SLC25A36: variants seen among roughly 807,000 people sequenced by gnomAD.
SLC25A36 encodes solute carrier family 25 member 36.
Under a neutral mutation model 35.3 loss-of-function variants are expected in SLC25A36, and 24 were observed. The observed-to-expected ratio is 0.68, with a 90% CI of 0.49 to 0.96. SLC25A36 has a LOEUF of 0.96. Among genes scored for constraint, SLC25A36 ranks in the 40% least tolerant of loss-of-function variants. The pLI is 0.00. For missense variants in SLC25A36, 294 were observed against 381.1 expected (o/e 0.77, Z 1.90); for synonymous variants, 141 against 132.2 (o/e 1.07, Z -0.46).
chr3:140,942,194 G>C (rs1485715576), intron 1 of SLC25A36, 99 bp downstream of exon 1: 3 of 137,264 alleles, frequency 2.2e-5, no homozygotes, highest in Non-Finnish European at 4.8e-5. Flanking sequence ...GGGGGGGTGG[G>C]GGGGCGGGAG....
At chr3:140,974,119 G>A (rs1934976846) in intron 6 of SLC25A36, 114 bp downstream of exon 6, 2 of 707,054 alleles carry the variant, frequency 2.8e-6, no homozygotes, top group Non-Finnish European at 4.6e-6. Flanking sequence ...CAATTATTGG[G>A]AGTTCATAAT....
chr3:140,948,246 C>T (rs1248916813), intron 1 of SLC25A36, among the ~76,000 whole-genome samples: 3 of 152,098 alleles, frequency 2.0e-5, no homozygotes, highest in African/African-American at 4.8e-5. Flanking sequence ...TGAGCTACCA[C>T]GCCCAGCCCA....
chr3:140,954,030 C>T (rs1159613034), intron 1 of SLC25A36, among the ~76,000 whole-genome samples: 1 of 152,112 alleles, frequency 6.6e-6, no homozygotes, highest in East Asian at 1.9e-4. Context: ...TCCCCCACAC[C>T]CCTTGAAGTC....
rs563069839 is a variant in SLC25A36, at chr3:140,960,101, A to G, written c.284+561A>G. ...AAAATTACTAATATTTGCAGGATAA[A>G]TGGAAATACTCTCGTAGCTAGTGGC... On this transcript the variant is annotated intron_variant, in intron 3 of 6. Transcript: ENST00000324194. Among the ~76,000 whole-genome samples the G allele has an allele frequency of 1.3e-3, 205 of 152,274 alleles. 1 individual carries two copies. The highest frequency in any genetic ancestry group is 2.4e-3 in the Non-Finnish European group (162 of 68,002).
In SLC25A36 at chr3:140,945,845, G is replaced by A. The variant is rs9289616; in HGVS notation, c.41+3750G>A. ...TGAATACCTCTATATTTAATATTTT[G>A]TGTGACAAAATGGGAAATAGACATG... On this transcript the variant is annotated intron_variant, in intron 1 of 6. Coordinates refer to ENST00000324194, the MANE Select transcript of SLC25A36 (RefSeq NM_001104647.3). 4.7e-3 allele frequency among the ~76,000 whole-genome samples: 714 copies of A among 151,578 alleles called. 5 individuals carry two copies. The highest frequency in any genetic ancestry group is 0.016 in the African/African-American group (680 of 41,298).
intron 5 of SLC25A36, 47 bp from the exon 6 acceptor site, chr3:140,973,665 TTTAC>T (rs779748101): frequency 1.8e-5 from 23 of 1,303,310 alleles, no homozygotes; most frequent in East Asian, 1.5e-4. Flanking sequence ...TTTATTATAT[TTTAC>T]TTACTTTAAA....
intron 1 of SLC25A36, among the ~76,000 whole-genome samples, chr3:140,955,659 G>A (rs1230594980): frequency 6.6e-6 from 1 of 152,008 alleles, no homozygotes; most frequent in Admixed American, 6.6e-5. Flanking sequence ...TCCACGTGTA[G>A]GCCTGACAGG....
chr3:140,956,722 A>G, intron 2 of SLC25A36, 31 bp downstream of exon 2: 2 of 1,549,854 alleles, frequency 1.3e-6, no homozygotes, highest in Non-Finnish European at 1.7e-6. Flanking sequence ...AGTGTTTTTT[A>G]GTTTGTTTGC....
intron 1 of SLC25A36, chr3:140,942,830 G>A (rs528479677): frequency 6.6e-6 from 1 of 152,372 alleles, no homozygotes; most frequent in South Asian, 2.1e-4. Context: ...TCTTGCCCGA[G>A]GTTTTCCAGG....
chr3:140,980,463 A>G lies in SLC25A36; in HGVS notation c.*4010A>G, dbSNP rs1396016611. Among the ~76,000 whole-genome samples the G allele has an allele frequency of 1.3e-5, 2 of 152,198 alleles. No individual in the cohort carries two copies. Among genetic ancestry groups the G allele is most frequent in the African/African-American group, 2.4e-5 (1 of 41,446 alleles). On this transcript the variant is annotated 3_prime_UTR_variant, in exon 7 of 7. Transcript: ENST00000324194. Reference sequence around the variant, plus strand: ...ATATATTTTGTATTTCAACATTGACATAAATCTGAAATTGTTGGTTCTACT... The same window carrying G: ...ATATATTTTGTATTTCAACATTGACGTAAATCTGAAATTGTTGGTTCTACT...
At chr3:140,976,168 C>A (rs1935038586) in intron 6 of SLC25A36, 92 bp from the exon 7 acceptor site, 2 of 828,920 alleles carry the variant, frequency 2.4e-6, no homozygotes, top group African/African-American at 3.5e-5. Context: ...CCTGAGCTTA[C>A]ACTTACAGAC....
intron 4 of SLC25A36, chr3:140,964,117 A>G (rs943843994): frequency 6.6e-6 from 1 of 151,956 alleles, no homozygotes; most frequent in African/African-American, 2.4e-5. Flanking sequence ...TTGAATGTCA[A>G]TTATGTGCTT....
At chr3:140,961,206 A>G (rs1023130412) in intron 3 of SLC25A36, among the ~76,000 whole-genome samples, 1 of 152,180 alleles carries the variant, frequency 6.6e-6, no homozygotes, top group African/African-American at 2.4e-5. Flanking sequence ...AAACACCATT[A>G]ATAGACAGTT....
chr3:140,942,458 C>T, intron 1 of SLC25A36: 1 of 184,700 alleles, frequency 5.4e-6, no homozygotes, highest in Non-Finnish European at 1.1e-5. Flanking sequence ...CTGGGGTCGG[C>T]GCTTGATTAC....
In SLC25A36 at chr3:140,956,894, C is replaced by G. The variant is rs1014049262; in HGVS notation, c.206+203C>G. On this transcript the variant is annotated intron_variant, in intron 2 of 6. Transcript: ENST00000324194. ...GATAAGATAAAGTGTAATTTTACTT[C>G]CAAATCATGTGTATTTAGAATATTT... 3.6e-6 allele frequency: 3 copies of G among 829,484 alleles called. No individual in the cohort carries two copies. In the African/African-American group the frequency reaches 5.3e-5, roughly 15 times the overall value. The allele number at this position is 829,484 out of a possible 1,614,324, so 51.4% of individuals were successfully genotyped here.
chr3:140,954,551 A>G (rs1934426008), intron 1 of SLC25A36, among the ~76,000 whole-genome samples: 1 of 152,224 alleles, frequency 6.6e-6, no homozygotes, highest in Non-Finnish European at 1.5e-5. Flanking sequence ...TTTGTTGGTC[A>G]GTCTTTTTAA....
intron 1 of SLC25A36, among the ~76,000 whole-genome samples, chr3:140,953,805 A>T (rs559738534): frequency 6.8e-4 from 103 of 152,204 alleles, no homozygotes; most frequent in African/African-American, 2.2e-3. Flanking sequence ...AAAAAATTTT[A>T]AAAAATTTAA....
chr3:140,944,360 GCTTT>G (rs1185113560), intron 1 of SLC25A36, among the ~76,000 whole-genome samples: 1 of 152,122 alleles, frequency 6.6e-6, no homozygotes, highest in African/African-American at 2.4e-5. Context: ...CATAACTCGT[GCTTT>G]CTTTAAGACA....
At chr3:140,949,680 A>G (rs1934266965) in intron 1 of SLC25A36, among the ~76,000 whole-genome samples, 1 of 152,104 alleles carries the variant, frequency 6.6e-6, no homozygotes, top group Non-Finnish European at 1.5e-5. Context: ...TAACCAAGAA[A>G]CTCTCCTTTC....
Sources: gnomAD v4.1 joint callset for allele counts (sites outside exome capture counted in the v4.1 genomes callset) on GRCh38, gnomAD v4.1.1 for gene constraint, MANE v1.5 for transcripts, NCBI Gene and HGNC (gene_info 2026-07-23, HGNC 2026-07-21) for gene names.